The following PBRM1 variants were observed in gnomAD, a reference collection of about 807,000 sequenced individuals.
The protein encoded by PBRM1 is protein polybromo-1.
In PBRM1, 27 loss-of-function variants were observed where a neutral mutation model predicts 194.5. The ratio of observed to expected loss-of-function variants is 0.14; its 90% CI spans 0.10 to 0.19. The LOEUF (loss-of-function observed/expected upper bound fraction) is 0.19. Among genes scored for constraint, PBRM1 ranks in the 10% least tolerant of loss-of-function variants. The pLI is 1.00. For synonymous variants in PBRM1, 655 were observed against 693.2 expected (o/e 0.94, Z 0.87); for missense variants, 1,466 against 2,077.2 (o/e 0.71, Z 5.72).
intron 15 of PBRM1, among the ~76,000 whole-genome samples, chr3:52,613,964 C>G (rs954877507): frequency 6.6e-6 from 1 of 152,220 alleles, no homozygotes; most frequent in Non-Finnish European, 1.5e-5. Context: ...TGCAAACCTT[C>G]TGTATGCTTT....
chr3:52,628,664 G>C (rs1253092442), intron 12 of PBRM1, among the ~76,000 whole-genome samples: 1 of 151,730 alleles, frequency 6.6e-6, no homozygotes, highest in Non-Finnish European at 1.5e-5. Context: ...AGAGATGGGG[G>C]TCTCGCTATG....
At chr3:52,645,372 G>A (rs144523926) in intron 7 of PBRM1, among the ~76,000 whole-genome samples, 135 of 149,838 alleles carry the variant, frequency 9.0e-4, no homozygotes, top group African/African-American at 3.1e-3. Context: ...CATGTAGACC[G>A]GGCTGGTCTC....
chr3:52,578,203 TCC>T (rs2153676394), intron 21 of PBRM1, among the ~76,000 whole-genome samples: 1 of 152,266 alleles, frequency 6.6e-6, no homozygotes, highest in Admixed American at 6.5e-5. Flanking sequence ...GACCCCCTTC[TCC>T]CCTTGTTCTC....
At chr3:52,624,782 C>T in intron 13 of PBRM1, 115 bp downstream of exon 15, 1 of 695,108 alleles carries the variant, frequency 1.4e-6, no homozygotes. Context: ...ACTGGCACCC[C>T]AATAAAGACT....
At chr3:52,572,443 G>C (rs930641970) in intron 22 of PBRM1, among the ~76,000 whole-genome samples, 7 of 152,064 alleles carry the variant, frequency 4.6e-5, no homozygotes, top group African/African-American at 1.7e-4. Flanking sequence ...AGTGATCTCA[G>C]CGCACTGCAA....
chr3:52,678,431 CA>C, intron 2 of PBRM1, 68 bp downstream of exon 3: 1 of 1,027,348 alleles, frequency 9.7e-7, no homozygotes, highest in Non-Finnish European at 1.5e-6. Flanking sequence ...GCTCAATTTC[CA>C]AACACTTTAA....
rs1413296343 is a variant in PBRM1 at position 52,565,911 on chromosome 3, G to A, written c.3692-1678C>T. 2.0e-5 allele frequency among the ~76,000 whole-genome samples: 3 copies of A among 152,032 alleles called. No individual in the cohort carries two copies. The East Asian group carries it at 5.8e-4, about 29-fold the overall frequency. ...TAACAGTACAAAAAATTAGCGGGGTGTGGTTGCAGGCGCCTGTAGTCCCAG... is the reference window on the plus strand; with the variant it reads ...TAACAGTACAAAAAATTAGCGGGGTATGGTTGCAGGCGCCTGTAGTCCCAG... On this transcript the variant is annotated intron_variant, in intron 22 of 29. Coordinates refer to ENST00000296302, the Ensembl canonical transcript of PBRM1.
At chr3:52,679,660 C>A in exon 1 of PBRM1, 6 of 1,613,844 alleles carry the variant, frequency 3.7e-6, no homozygotes, top group Non-Finnish European at 5.1e-6. Context: ...TCATCAAAGT[C>A]CCCGCTGACA....
At chr3:52,597,529 A>G (rs1290039105) in intron 17 of PBRM1, among the ~76,000 whole-genome samples, 1 of 152,210 alleles carries the variant, frequency 6.6e-6, no homozygotes, top group East Asian at 1.9e-4. Flanking sequence ...TACCAGCAGT[A>G]ACACTATCAG....
intron 13 of PBRM1, among the ~76,000 whole-genome samples, chr3:52,623,621 C>T (rs1002095707): frequency 6.6e-6 from 1 of 152,194 alleles, no homozygotes; most frequent in Non-Finnish European, 1.5e-5. Context: ...AAATAAACAG[C>T]TACATTTACT....
At chr3:52,647,457 A>AAAAAAAAAAT (rs1560745545) in intron 7 of PBRM1, among the ~76,000 whole-genome samples, 1 of 47,872 alleles carries the variant, frequency 2.1e-5, no homozygotes, top group African/African-American at 9.1e-5. Context: ...AAAAAAAAAA[A>AAAAAAAAAAT]ATATATATAT....
chr3:52,619,287 A>G (rs934799532), intron 13 of PBRM1, among the ~76,000 whole-genome samples: 1 of 152,240 alleles, frequency 6.6e-6, no homozygotes, highest in Non-Finnish European at 1.5e-5. Context: ...TCTCCCTTGT[A>G]TACCGAAATA....
intron 26 of PBRM1, 110 bp downstream of exon 28, chr3:52,558,139 G>C (rs2082613067): frequency 2.7e-6 from 2 of 749,544 alleles, no homozygotes; most frequent in South Asian, 4.7e-5. Flanking sequence ...TTCAAACTTT[G>C]AATCTGTCAT....
intron 2 of PBRM1, among the ~76,000 whole-genome samples, chr3:52,672,976 A>C (rs1030603035): frequency 2.0e-5 from 3 of 151,814 alleles, no homozygotes; most frequent in Non-Finnish European, 2.9e-5. Flanking sequence ...AAGAGCTATT[A>C]ATTTTTTTTA....
intron 10 of PBRM1, among the ~76,000 whole-genome samples, chr3:52,641,225 G>C (rs952464856): frequency 6.6e-6 from 1 of 151,808 alleles, no homozygotes; most frequent in Non-Finnish European, 1.5e-5. Context: ...GAGGCAGGTG[G>C]ATCATGAGGA....
intron 20 of PBRM1, among the ~76,000 whole-genome samples, chr3:52,580,143 G>C (rs182105317): frequency 2.6e-4 from 39 of 152,260 alleles, no homozygotes; most frequent in African/African-American, 8.4e-4. Context: ...GGGAGGCTGA[G>C]GTAGGAAGAT....
chr3:52,674,462 G>C lies in PBRM1; in HGVS notation c.236+4038C>G, dbSNP rs551040970. Among the ~76,000 whole-genome samples the C allele has an allele frequency of 3.5e-5, 5 of 144,614 alleles. No homozygotes were observed. The South Asian group carries it at 1.1e-3, about 32-fold the overall frequency. The allele number at this position is 144,614 out of a possible 152,430, so 94.9% of individuals were successfully genotyped here. On this transcript the variant is annotated intron_variant, in intron 2 of 29. Transcript: ENST00000296302. ...AGATCGCACCACTGCACTCCAGCCT[G>C]GTGCGAAACTCCATCTCAAAAAAAA...
intron 22 of PBRM1, among the ~76,000 whole-genome samples, chr3:52,575,309 C>A (rs2089138758): frequency 6.6e-6 from 1 of 151,970 alleles, no homozygotes; most frequent in African/African-American, 2.4e-5. Context: ...AAGAACAAAG[C>A]CTGAGGATGG....
At chr3:52,607,795 A>AT (rs2094424224) in intron 16 of PBRM1, among the ~76,000 whole-genome samples, 1 of 152,224 alleles carries the variant, frequency 6.6e-6, no homozygotes, top group African/African-American at 2.4e-5. Context: ...TTTGACTGCA[A>AT]GATGTCCCTC....
Sources: allele counts gnomAD v4.1 joint callset (sites outside exome capture counted in the v4.1 genomes callset), GRCh38; gene constraint gnomAD v4.1.1; transcripts MANE v1.5; gene names NCBI Gene and HGNC (gene_info 2026-07-23, HGNC 2026-07-21).